Variants in NAALADL2 observed in about 807,000 individuals in gnomAD.
The protein encoded by NAALADL2 is N-acetylated alpha-linked acidic dipeptidase like 2.
Under a neutral mutation model 87.2 loss-of-function variants are expected in NAALADL2, and 76 were observed. The observed-to-expected ratio is 0.87, with a 90% CI of 0.72 to 1.05. The LOEUF (loss-of-function observed/expected upper bound fraction) is 1.05. Among genes scored for constraint, NAALADL2 ranks in the 50% least tolerant of loss-of-function variants. The probability of loss-of-function intolerance (pLI) is 0.00; values close to 1 mark genes in which losing one functional copy is unlikely to be tolerated. For synonymous variants in NAALADL2, 354 were observed against 331.0 expected, an observed-to-expected ratio of 1.07 and a Z score of -0.75; for missense variants, 1,089 against 945.8, an observed-to-expected ratio of 1.15 and a Z score of -1.99.
chr3:174,562,732 G>C (rs1713777375), intron 2 of NAALADL2, among the ~76,000 whole-genome samples: 1 of 151,716 alleles, frequency 6.6e-6, no homozygotes, highest in Non-Finnish European at 1.5e-5. Flanking sequence ...ATACAATTTT[G>C]TTTGGCATCT....
upstream of NAALADL2, among the ~76,000 whole-genome samples, chr3:174,855,118 C>A (rs1243828426): frequency 6.6e-6 from 1 of 152,048 alleles, no homozygotes; most frequent in African/African-American, 2.4e-5. Flanking sequence ...GGATTACAGG[C>A]GTGAGTCACT....
chr3:174,774,253 C>T (rs1233199856), intron 3 of NAALADL2, among the ~76,000 whole-genome samples: 1 of 152,144 alleles, frequency 6.6e-6, no homozygotes, highest in Non-Finnish European at 1.5e-5. Context: ...AAATTCTCAC[C>T]ATGTCAAATG....
chr3:175,620,655 C>T (rs181826462), intron 10 of NAALADL2, among the ~76,000 whole-genome samples: 2 of 152,276 alleles, frequency 1.3e-5, no homozygotes, highest in East Asian at 3.9e-4. Context: ...CTCTCTTGTT[C>T]CTGCTGCCTG....
intron 9 of NAALADL2, among the ~76,000 whole-genome samples, chr3:175,574,681 T>A (rs1314719147): frequency 6.6e-6 from 1 of 152,178 alleles, no homozygotes; most frequent in Non-Finnish European, 1.5e-5. Context: ...CTTCTGTTTT[T>A]AAATTTCATC....
intron 2 of NAALADL2, among the ~76,000 whole-genome samples, chr3:175,126,072 C>A (rs1726896615): frequency 6.6e-6 from 1 of 152,040 alleles, no homozygotes; most frequent in African/African-American, 2.4e-5. Flanking sequence ...ACAATGAGAT[C>A]TGGCAATTGA....
chr3:174,719,012 C>T (rs924922386), intron 2 of NAALADL2, among the ~76,000 whole-genome samples: 1 of 152,244 alleles, frequency 6.6e-6, no homozygotes, highest in African/African-American at 2.4e-5. Flanking sequence ...TAATAACCAC[C>T]CACACCTGAG....
chr3:174,920,088 A>G (rs148779184), intron 1 of NAALADL2, among the ~76,000 whole-genome samples: 34 of 152,306 alleles, frequency 2.2e-4, no homozygotes, highest in African/African-American at 7.9e-4. Flanking sequence ...TAGAGTACAT[A>G]TAGACTCAAT....
rs1022355558 is a variant in NAALADL2, at chr3:175,194,042, C to A, written c.546-39889C>A. Among the ~76,000 whole-genome samples the A allele has an allele frequency of 1.3e-5, 2 of 151,684 alleles. 1 individual carries two copies. ...AACTGAAAAATATATCCGATATGTA[C>A]GTGTGTTGGTTTGTGAAAACTGAAG... On this transcript the variant is annotated intron_variant, in intron 2 of 13. Coordinates refer to ENST00000454872, the MANE Select transcript of NAALADL2 (RefSeq NM_207015.3).
intron 5 of NAALADL2, among the ~76,000 whole-genome samples, chr3:175,334,370 T>C (rs914470627): frequency 1.3e-5 from 2 of 152,116 alleles, no homozygotes; most frequent in Admixed American, 6.6e-5. Flanking sequence ...TTTTCCCTCT[T>C]CCCTATTTGT....
chr3:175,801,440 G>T (rs1754133473), intron 13 of NAALADL2, among the ~76,000 whole-genome samples: 1 of 151,976 alleles, frequency 6.6e-6, no homozygotes, highest in Non-Finnish European at 1.5e-5. Context: ...TTACAAAAAT[G>T]CTAACATGGA....
At chr3:174,704,782 G>T (rs918308488) in intron 2 of NAALADL2, among the ~76,000 whole-genome samples, 1 of 151,936 alleles carries the variant, frequency 6.6e-6, no homozygotes, top group Non-Finnish European at 1.5e-5. Flanking sequence ...TCATATCATA[G>T]AACAGTAAGT....
At chr3:174,849,019 A>G (rs1724945322) in intron 3 of NAALADL2, among the ~76,000 whole-genome samples, 1 of 152,158 alleles carries the variant, frequency 6.6e-6, no homozygotes, top group South Asian at 2.1e-4. Flanking sequence ...AAACATGGAA[A>G]AGGTACAGAA....
At chr3:175,375,531 T>G (rs558202954) in intron 5 of NAALADL2, among the ~76,000 whole-genome samples, 1 of 152,296 alleles carries the variant, frequency 6.6e-6, no homozygotes, top group South Asian at 2.1e-4. Flanking sequence ...ATATTCTTGA[T>G]AATTGAACTC....
intron 3 of NAALADL2, among the ~76,000 whole-genome samples, chr3:174,842,208 C>T (rs1314486181): frequency 6.6e-6 from 1 of 151,964 alleles, no homozygotes; most frequent in African/African-American, 2.4e-5. Context: ...TGCACCACCA[C>T]GCCTGGCTAA....
intron 1 of NAALADL2, among the ~76,000 whole-genome samples, chr3:174,903,834 G>A (rs1235025992): frequency 6.6e-6 from 1 of 151,536 alleles, no homozygotes; most frequent in South Asian, 2.1e-4. Context: ...CTTTTTCACA[G>A]TCATTTTTAT....
intron 13 of NAALADL2, among the ~76,000 whole-genome samples, chr3:175,786,056 C>G (rs1194511241): frequency 4.8e-4 from 73 of 152,094 alleles, no homozygotes; most frequent in African/African-American, 1.6e-3. Context: ...TGTAGGGTTT[C>G]TGCCGAGAGA....
intron 1 of NAALADL2, among the ~76,000 whole-genome samples, chr3:175,094,756 T>TGTGTGTGTGTG (rs747838814): frequency 2.4e-4 from 31 of 129,880 alleles, no homozygotes; most frequent in African/African-American, 5.1e-4. Context: ...CCAGACACTA[T>TGTGTGTGTGTG]AGTGTGTGTG....
intron 2 of NAALADL2, among the ~76,000 whole-genome samples, chr3:174,716,978 A>G (rs887706432): frequency 1.3e-5 from 2 of 152,190 alleles, no homozygotes; most frequent in East Asian, 1.9e-4. Context: ...AAATAAGTGT[A>G]AAATTTTAGA....
At chr3:174,944,151 A>G (rs6784078) in intron 1 of NAALADL2, among the ~76,000 whole-genome samples, 6,282 of 152,234 alleles carry the variant, frequency 0.041, 439 homozygotes, top group African/African-American at 0.14. Context: ...AGCAAAGATG[A>G]GGGCCTGCTC....
Sources: allele counts gnomAD v4.1 joint callset (sites outside exome capture counted in the v4.1 genomes callset), GRCh38; gene constraint gnomAD v4.1.1; transcripts MANE v1.5; gene names NCBI Gene and HGNC (gene_info 2026-07-23, HGNC 2026-07-21).